The following SLC35F1 variants were observed in gnomAD, a reference collection of about 807,000 sequenced individuals.
SLC35F1 encodes the protein chromosome 6 open reading frame 169.
In SLC35F1, 14 loss-of-function variants were observed where a neutral mutation model predicts 48.7. The ratio of observed to expected loss-of-function variants is 0.29; its 90% CI spans 0.19 to 0.45. The LOEUF is 0.45. Ranked by LOEUF, SLC35F1 falls within the 20% of genes least tolerant of loss-of-function variation. The pLI, the probability that SLC35F1 is intolerant of heterozygous loss-of-function variation, is 1.00. For synonymous variants in SLC35F1, 190 were observed against 202.2 expected (o/e 0.94, Z 0.51); for missense variants, 404 against 500.0 (o/e 0.81, Z 1.83).
chr6:118,220,214 T>TATC (rs910691047), intron 2 of SLC35F1, among the ~76,000 whole-genome samples: 5 of 151,926 alleles, frequency 3.3e-5, no homozygotes, highest in African/African-American at 1.2e-4. Context: ...AAAGAAAATA[T>TATC]ATCAGAAAGG....
At chr6:118,107,726 C>T (rs6569000) in intron 1 of SLC35F1, among the ~76,000 whole-genome samples, 138,946 of 152,204 alleles carry the variant, frequency 0.91, 64,482 homozygotes, top group Non-Finnish European at 0.99. Flanking sequence ...ATATGGGCAA[C>T]GGGTATGTGT....
At chr6:117,945,100 T>C (rs1025668612) in intron 1 of SLC35F1, among the ~76,000 whole-genome samples, 2 of 152,234 alleles carry the variant, frequency 1.3e-5, no homozygotes, top group South Asian at 4.2e-4. Context: ...TATAAATATA[T>C]ATGGTATGGT....
At chr6:117,998,283 G>T (rs1292290455) in intron 1 of SLC35F1, among the ~76,000 whole-genome samples, 1 of 145,544 alleles carries the variant, frequency 6.9e-6, no homozygotes, top group African/African-American at 2.5e-5. Context: ...AGCAAGTCCT[G>T]AGTGACCTAC....
chr6:118,261,734 A>G (rs1365006246), intron 3 of SLC35F1, among the ~76,000 whole-genome samples: 3 of 152,108 alleles, frequency 2.0e-5, no homozygotes, highest in African/African-American at 7.2e-5. Context: ...TATTGAAGGG[A>G]GGGGGGCTGT....
At chr6:118,001,832 C>CA (rs1251458804) in intron 1 of SLC35F1, among the ~76,000 whole-genome samples, 6 of 151,754 alleles carry the variant, frequency 4.0e-5, no homozygotes, top group Non-Finnish European at 7.4e-5. Flanking sequence ...TTTATGCAGC[C>CA]AAAAAACATA....
chr6:118,096,528 C>G (rs1197975559), intron 1 of SLC35F1, among the ~76,000 whole-genome samples: 2 of 152,198 alleles, frequency 1.3e-5, no homozygotes, highest in African/African-American at 4.8e-5. Flanking sequence ...ACACACTGAG[C>G]AGTTCCTGGT....
chr6:118,269,760 C>T (rs569239132), intron 4 of SLC35F1, among the ~76,000 whole-genome samples: 1 of 152,196 alleles, frequency 6.6e-6, no homozygotes, highest in Non-Finnish European at 1.5e-5. Flanking sequence ...GATGTCATCA[C>T]CAGGCCAGGC....
intron 1 of SLC35F1, among the ~76,000 whole-genome samples, chr6:117,971,793 C>A (rs2114843495): frequency 6.6e-6 from 1 of 152,362 alleles, no homozygotes. Context: ...GGACACAGGG[C>A]ACCATGTCTG....
intron 1 of SLC35F1, among the ~76,000 whole-genome samples, chr6:117,973,852 A>C (rs954732832): frequency 2.4e-4 from 37 of 152,362 alleles, no homozygotes; most frequent in African/African-American, 8.7e-4. Flanking sequence ...TTAATTTTTT[A>C]GTCCAATAGT....
chr6:118,226,110 C>G (rs1430523725), intron 2 of SLC35F1, among the ~76,000 whole-genome samples: 2 of 151,968 alleles, frequency 1.3e-5, no homozygotes, highest in African/African-American at 4.8e-5. Flanking sequence ...CCAACAGGTA[C>G]ATGAAAAAAT....
intron 1 of SLC35F1, among the ~76,000 whole-genome samples, chr6:117,933,251 C>T (rs151311596): frequency 7.6e-4 from 116 of 152,242 alleles, no homozygotes; most frequent in African/African-American, 2.4e-3. Flanking sequence ...TTTATCAGTA[C>T]GTACCATATT....
intron 4 of SLC35F1, among the ~76,000 whole-genome samples, chr6:118,268,594 ATATATATTTTTTTT>A (rs1470618894): frequency 8.6e-5 from 7 of 81,096 alleles, no homozygotes; most frequent in Non-Finnish European, 1.8e-4. Context: ...GTATATATAT[ATATATATTTTTTTT>A]TTTTTTTTTT....
chr6:118,067,635 A>G (rs1411796996), intron 1 of SLC35F1, among the ~76,000 whole-genome samples: 1 of 152,240 alleles, frequency 6.6e-6, no homozygotes, highest in African/African-American at 2.4e-5. Context: ...TTCAGATGGA[A>G]TAAAGGCTAA....
In SLC35F1 at chr6:117,978,751, T is replaced by C. The variant is rs539101953; in HGVS notation, c.173+70852T>C. Among the ~76,000 whole-genome samples the C allele has an allele frequency of 8.5e-5, 13 of 152,286 alleles. 1 individual carries two copies. The South Asian group carries it at 2.5e-3, about 29-fold the overall frequency. On this transcript the variant is annotated intron_variant, in intron 1 of 7. Transcript: ENST00000360388. ...ATCTAGAGTTGTCAGATTTAGCAAA[T>C]AAAAATACAGGACACCCACTGAATT...
intron 1 of SLC35F1, among the ~76,000 whole-genome samples, chr6:118,021,043 G>C (rs914373809): frequency 3.9e-5 from 6 of 152,104 alleles, no homozygotes; most frequent in Non-Finnish European, 8.8e-5. Flanking sequence ...AAGGAAGTTT[G>C]TTTAGAAGAT....
chr6:117,977,228 T>A (rs12664862), intron 1 of SLC35F1, among the ~76,000 whole-genome samples: 2 of 149,484 alleles, frequency 1.3e-5, no homozygotes, highest in African/African-American at 4.9e-5. Context: ...ACGGAGTCTC[T>A]CTCCCTCACC....
At chr6:118,147,645 TGTTTGGTGCCTTTTCA>T (rs1773995154) in intron 1 of SLC35F1, among the ~76,000 whole-genome samples, 2 of 152,176 alleles carry the variant, frequency 1.3e-5, no homozygotes, top group Admixed American at 1.3e-4. Flanking sequence ...TCCAGCTCCC[TGTTTGGTGCCTTTTCA>T]GTTTTCTATG....
At chr6:118,182,483 C>A (rs1337512214) in intron 2 of SLC35F1, among the ~76,000 whole-genome samples, 1 of 122,370 alleles carries the variant, frequency 8.2e-6, no homozygotes, top group Non-Finnish European at 1.7e-5. Flanking sequence ...CAGAGTGAGA[C>A]CCTGTCAAAA....
At chr6:118,271,901 CAT>C (rs1209884042) in intron 4 of SLC35F1, among the ~76,000 whole-genome samples, 3 of 152,114 alleles carry the variant, frequency 2.0e-5, no homozygotes, top group Non-Finnish European at 4.4e-5. Context: ...TTTTACATGT[CAT>C]ATTTTATTTT....
Sources: gnomAD v4.1 joint callset for allele counts (sites outside exome capture counted in the v4.1 genomes callset) on GRCh38, gnomAD v4.1.1 for gene constraint, MANE v1.5 for transcripts, NCBI Gene and HGNC (gene_info 2026-07-23, HGNC 2026-07-21) for gene names.